ALK: variants seen among roughly 807,000 people sequenced by gnomAD.
ALK encodes the protein ALK tyrosine kinase receptor.
ALK carries 74 observed loss-of-function variants against 163.1 expected under a neutral mutation model. That is an observed-to-expected ratio of 0.45 (90% CI 0.38 to 0.55). The LOEUF (loss-of-function observed/expected upper bound fraction) is 0.55, where lower values mean the gene tolerates loss of function less well. ALK is among the 20% of genes least tolerant of loss of function. The pLI is 0.00. For missense variants in ALK, 2,063 were observed against 2,105.3 expected (o/e 0.98, Z 0.39); for synonymous variants, 960 against 843.2 (o/e 1.14, Z -2.40).
chr2:29,480,693 G>GGGCT (rs1276222934), intron 4 of ALK, among the ~76,000 whole-genome samples: 1 of 151,672 alleles, frequency 6.6e-6, no homozygotes. Flanking sequence ...AGCAGAAGTG[G>GGGCT]GGCTGGCTGG....
chr2:29,592,030 G>A (rs925240924), intron 3 of ALK, among the ~76,000 whole-genome samples: 1 of 152,206 alleles, frequency 6.6e-6, no homozygotes, highest in African/African-American at 2.4e-5. Context: ...AAGGCTGGGG[G>A]TATTGTCACT....
At position 29,920,659 on chromosome 2, in the gene ALK, TC is replaced by T; in HGVS notation, c.-1del. 1 of 1,535,552 alleles carries T rather than the reference TC, an allele frequency of 6.5e-7. No individual in the cohort carries two copies. Among genetic ancestry groups the T allele is most frequent in the Non-Finnish European group, 8.7e-7 (1 of 1,147,924 alleles). On this transcript the variant is annotated 5_prime_UTR_variant, in exon 1 of 29. Transcript: ENST00000389048. ...AGCCACAGGAGCCCGATGGCTCCCATCCCGCCGGAGGAGGCCGTTTACACTG... is the reference window on the plus strand; with the variant it reads ...AGCCACAGGAGCCCGATGGCTCCCATCCGCCGGAGGAGGCCGTTTACACTG...
intron 4 of ALK, among the ~76,000 whole-genome samples, chr2:29,491,275 G>T (rs1443940294): frequency 6.6e-6 from 1 of 152,156 alleles, no homozygotes; most frequent in Non-Finnish European, 1.5e-5. Context: ...GTAGAGACAG[G>T]TTTCCGTGGC....
intron 1 of ALK, among the ~76,000 whole-genome samples, chr2:29,737,533 G>A (rs1414870405): frequency 2.6e-5 from 4 of 152,062 alleles, no homozygotes; most frequent in African/African-American, 4.8e-5. Context: ...GTGACATCAC[G>A]AGAAGCAAAA....
Position 29,247,144 on chromosome 2 carries a change from ACCCCGGCCTCCGCGGCAGCGCCTTTC to A in ALK, c.2204+3935_2204+3960del, listed in dbSNP as rs1268260025. Among the ~76,000 whole-genome samples, 994 of 148,348 alleles carry A rather than the reference ACCCCGGCCTCCGCGGCAGCGCCTTTC, an allele frequency of 6.7e-3. 6 individuals are homozygous for A. The highest frequency in any genetic ancestry group is 0.021 in the African/African-American group (840 of 40,120). ...CCCGGCCTCCGCGGCAGCGCCTTTT[ACCCCGGCCTCCGCGGCAGCGCCTTTC>A]CCCCGGCCTCCGCGGCAGCGCCTTG... On this transcript the variant is annotated intron_variant, in intron 12 of 28. Coordinates refer to ENST00000389048, the MANE Select transcript of ALK (RefSeq NM_004304.5).
At chr2:29,344,892 A>C (rs1667900344) in intron 5 of ALK, among the ~76,000 whole-genome samples, 1 of 151,990 alleles carries the variant, frequency 6.6e-6, no homozygotes, top group East Asian at 1.9e-4. Context: ...AGATAAGGGA[A>C]CTCCAGGAAC....
In ALK at chr2:29,419,177, C is replaced by T. The variant is rs571388273; in HGVS notation, c.1155-35318G>A. On this transcript the variant is annotated intron_variant, in intron 4 of 28. Transcript: ENST00000389048. ...TCAAGTGATTCTCCTGACTCAGCCTCCCGAGTAGCTGGGATTACAGGTACA... is the reference window on the plus strand; with the variant it reads ...TCAAGTGATTCTCCTGACTCAGCCTTCCGAGTAGCTGGGATTACAGGTACA... Among the ~76,000 whole-genome samples the T allele has an allele frequency of 2.5e-4, 38 of 151,466 alleles. No homozygotes were observed. The East Asian group carries it at 5.2e-3, about 21-fold the overall frequency.
chr2:29,660,707 T>C (rs1041605375), intron 3 of ALK, among the ~76,000 whole-genome samples: 1 of 147,434 alleles, frequency 6.8e-6, no homozygotes, highest in African/African-American at 2.5e-5. Flanking sequence ...GTCAGAAGAG[T>C]GAGTAGAGGC....
chr2:29,746,314 A>G (rs1313320844), intron 1 of ALK, among the ~76,000 whole-genome samples: 1 of 152,226 alleles, frequency 6.6e-6, no homozygotes, highest in Non-Finnish European at 1.5e-5. Flanking sequence ...ATTAATTTTT[A>G]TGGAAAATGA....
intron 4 of ALK, among the ~76,000 whole-genome samples, chr2:29,496,836 G>T (rs1232590705): frequency 6.6e-6 from 1 of 152,114 alleles, no homozygotes; most frequent in Non-Finnish European, 1.5e-5. Flanking sequence ...AACCAAATGG[G>T]GCTGGCATAC....
chr2:29,525,174 C>G (rs1374356566), intron 4 of ALK, among the ~76,000 whole-genome samples: 1 of 152,196 alleles, frequency 6.6e-6, no homozygotes, highest in Non-Finnish European at 1.5e-5. Flanking sequence ...CCTCCAGCTA[C>G]CTCAGCTCAG....
chr2:29,336,659 C>T (rs1479174615), intron 5 of ALK, among the ~76,000 whole-genome samples: 2 of 152,228 alleles, frequency 1.3e-5, no homozygotes, highest in East Asian at 3.8e-4. Context: ...CCCATGCATC[C>T]TCTGCTCTTT....
chr2:29,252,596 G>T (rs1664846682), intron 11 of ALK, among the ~76,000 whole-genome samples: 1 of 152,182 alleles, frequency 6.6e-6, no homozygotes, highest in Admixed American at 6.5e-5. Flanking sequence ...TTGTCATGCT[G>T]CCCTGGCCCA....
At chr2:29,653,748 A>T (rs1224057039) in intron 3 of ALK, among the ~76,000 whole-genome samples, 1 of 152,132 alleles carries the variant, frequency 6.6e-6, no homozygotes, top group East Asian at 1.9e-4. Context: ...GAGATAGAGA[A>T]GATGAGAAAA....
Position 29,232,334 on chromosome 2 carries a change from G to C in ALK, c.2602C>G (p.Leu868Val). 1 of 1,614,262 alleles carries C rather than the reference G, an allele frequency of 6.2e-7. No homozygotes were observed. The highest frequency in any genetic ancestry group is 8.5e-7 in the Non-Finnish European group (1 of 1,180,048). ...PERLENNSSV[L>V]GLNGNSGAAG... ...GCTCCGGAATTGCCGTTTAGCCCTA[G>C]AACCGAGGAGTTATTCTCCAGTCTC... The change falls in exon 15 of 29, where the codon CTA becomes GTA. Residue 868 changes from leucine to valine, a missense_variant. Coordinates refer to ENST00000389048, the MANE Select transcript of ALK (RefSeq NM_004304.5).
chr2:29,380,664 C>A (rs1428562275), intron 5 of ALK, among the ~76,000 whole-genome samples: 1 of 152,028 alleles, frequency 6.6e-6, no homozygotes, highest in East Asian at 1.9e-4. Context: ...GAACTCCCGA[C>A]CTCAGGTAAT....
At chr2:29,384,149 A>G (rs1340831900) in intron 4 of ALK, among the ~76,000 whole-genome samples, 1 of 152,236 alleles carries the variant, frequency 6.6e-6, no homozygotes, top group East Asian at 1.9e-4. Flanking sequence ...TCTTTGGACT[A>G]TTTGAGTAGC....
intron 1 of ALK, among the ~76,000 whole-genome samples, chr2:29,828,018 C>G (rs1418777822): frequency 1.3e-5 from 2 of 152,182 alleles, no homozygotes; most frequent in African/African-American, 4.8e-5. Context: ...TACCACGCAT[C>G]TACAACTATC....
chr2:29,606,494 G>C (rs116011448), intron 3 of ALK, among the ~76,000 whole-genome samples: 56 of 152,314 alleles, frequency 3.7e-4, no homozygotes, highest in African/African-American at 1.2e-3. Flanking sequence ...AAGAAAAATA[G>C]CCCCTGCCAA....
Sources: allele counts gnomAD v4.1 joint callset (sites outside exome capture counted in the v4.1 genomes callset), GRCh38; gene constraint gnomAD v4.1.1; transcripts MANE v1.5; gene names NCBI Gene and HGNC (gene_info 2026-07-23, HGNC 2026-07-21).